Variants in PCYT1A observed in about 807,000 individuals in gnomAD.
PCYT1A encodes choline-phosphate cytidylyltransferase A.
PCYT1A carries 25 observed loss-of-function variants against 43.7 expected under a neutral mutation model. The ratio of observed to expected loss-of-function variants is 0.57; its 90% CI spans 0.42 to 0.80. The LOEUF (loss-of-function observed/expected upper bound fraction) is 0.80. Ranked by LOEUF, PCYT1A falls within the 30% of genes least tolerant of loss-of-function variation. The pLI, the probability that PCYT1A is intolerant of heterozygous loss-of-function variation, is 0.00. For missense variants in PCYT1A, 421 were observed against 474.2 expected, an observed-to-expected ratio of 0.89 and a Z score of 1.04; for synonymous variants, 172 against 170.7, an observed-to-expected ratio of 1.01 and a Z score of -0.06.
intron 3 of PCYT1A, chr3:196,250,513 GA>G (rs1724721550): frequency 5.9e-6 from 1 of 168,384 alleles, no homozygotes; most frequent in Non-Finnish European, 1.3e-5. Context: ...CTATGCTGAG[GA>G]CCAGATACAC....
chr3:196,243,669 C>G (rs924212678), intron 5 of PCYT1A, among the ~76,000 whole-genome samples: 9 of 152,356 alleles, frequency 5.9e-5, no homozygotes, highest in South Asian at 4.1e-4. Context: ...CAGTGCCTGC[C>G]ATTGCAGGCG....
In PCYT1A at chr3:196,256,665, G is replaced by A. The variant is rs186193759; in HGVS notation, c.217+1123C>T. 5.8e-4 allele frequency among the ~76,000 whole-genome samples: 88 copies of A among 152,040 alleles called. 1 individual carries two copies. In the East Asian group the frequency reaches 0.014, roughly 25 times the overall value. On this transcript the variant is annotated intron_variant, in intron 3 of 8. Coordinates refer to ENST00000431016, the MANE Select transcript of PCYT1A (RefSeq NM_001312673.2). ...CATAATTCTCGTGCCTTAGCCTCCC[G>A]AGTAGCTGGGACTACAGGTGCCCAC...
At position 196,236,751 on chromosome 3, in the gene PCYT1A, C is replaced by T. The variant is rs539852450; in HGVS notation, c.*1937G>A. On this transcript the variant is annotated 3_prime_UTR_variant, in exon 9 of 9. Coordinates refer to ENST00000431016, the MANE Select transcript of PCYT1A (RefSeq NM_001312673.2). ...GCACCATCTCTGCTCACTGCAACCT[C>T]CGCCTCCTGGGTTCAAGGGATTCTC... is the stretch of plus-strand genomic sequence containing the variant. 1 of 152,432 alleles carries T rather than the reference C, an allele frequency of 6.6e-6. No homozygotes were observed. Among genetic ancestry groups the T allele is most frequent in the East Asian group, 1.9e-4 (1 of 5,194 alleles). The allele number at this position is 152,432 out of a possible 1,614,324, so 9.4% of individuals were successfully genotyped here. A position where few individuals can be genotyped will look rare whatever the true frequency, so the allele number is the denominator to read the frequency against.
rs533707821 is a variant in PCYT1A at position 196,286,061 on chromosome 3, C to CTTT, written c.-11+1551_-11+1553dup. Among the ~76,000 whole-genome samples the CTTT allele has an allele frequency of 3.0e-3, 372 of 124,486 alleles. 9 individuals are homozygous for CTTT. The highest frequency in any genetic ancestry group is 0.011 in the African/African-American group (355 of 32,596). 81.7% of individuals were successfully genotyped at this position (124,486 alleles called of 152,430 possible). On this transcript the variant is annotated intron_variant, in intron 1 of 8. Coordinates refer to ENST00000431016, the MANE Select transcript of PCYT1A (RefSeq NM_001312673.2). ...ATAAATATCACAAATACCACTGTCC[C>CTTT]TTTTTTTTTTTTTTTTTTTGAGACA...
chr3:196,280,317 A>G (rs1725728480), intron 1 of PCYT1A, among the ~76,000 whole-genome samples: 2 of 152,306 alleles, frequency 1.3e-5, no homozygotes, highest in African/African-American at 4.8e-5. Flanking sequence ...CTATATGGAC[A>G]GTTGTCCCTC....
chr3:196,282,452 T>G lies in PCYT1A; in HGVS notation c.-11+5163A>C, dbSNP rs1003251594. ...GATAGAATTCAGGAAGTCTGTGAAT[T>G]TGGATGAAAAAGACTGTATCTTTAT... On this transcript the variant is annotated intron_variant, in intron 1 of 8. Coordinates refer to ENST00000431016, the MANE Select transcript of PCYT1A (RefSeq NM_001312673.2). The surrounding 1 kb of genome is among the most constrained non-coding windows in gnomAD (Gnocchi z 4.3). Among the ~76,000 whole-genome samples, 1 of 152,170 alleles carries G rather than the reference T, an allele frequency of 6.6e-6. No individual in the cohort carries two copies. Among genetic ancestry groups the G allele is most frequent in the Non-Finnish European group, 1.5e-5 (1 of 68,036 alleles).
rs1262917168 is a variant in PCYT1A, at chr3:196,273,713, A to G, written c.-10-3172T>C. On this transcript the variant is annotated intron_variant, in intron 1 of 8. Coordinates refer to ENST00000431016, the MANE Select transcript of PCYT1A (RefSeq NM_001312673.2). This position sits in a 1 kb window ranked among gnomAD's most constrained non-coding sequence, Gnocchi z 4.1. ...AAGTATGGCTGAGTCCAGGGTTTCT[A>G]CGGGCTTCAGCGGGCAGGAAGTGCA... Among the ~76,000 whole-genome samples, 1 of 152,156 alleles carries G rather than the reference A, an allele frequency of 6.6e-6. No homozygotes were observed. Among genetic ancestry groups the G allele is most frequent in the Non-Finnish European group, 1.5e-5 (1 of 68,012 alleles).
At chr3:196,259,289 T>G (rs1725037488) in intron 2 of PCYT1A, among the ~76,000 whole-genome samples, 1 of 152,216 alleles carries the variant, frequency 6.6e-6, no homozygotes, top group African/African-American at 2.4e-5. Context: ...ATTTTCTCCT[T>G]TGTCTTGGTT....
At chr3:196,263,908 G>A (rs887196259) in intron 2 of PCYT1A, among the ~76,000 whole-genome samples, 2 of 151,348 alleles carry the variant, frequency 1.3e-5, no homozygotes, top group Non-Finnish European at 3.0e-5. Flanking sequence ...TTGGGATTAC[G>A]GGCATGAGCC....
In PCYT1A at chr3:196,245,095, C is replaced by CATAAATAA. The variant is rs147083544; in HGVS notation, c.486+2264_486+2271dup. ...CACCCAAGAATGATCAATAAAAATACATAAATAAATAAAAGAAGTTTTATC... is the reference window on the plus strand; with the variant it reads ...CACCCAAGAATGATCAATAAAAATACATAAATAAATAAATAAATAAAAGAAGTTTTATC... On this transcript the variant is annotated intron_variant, in intron 5 of 8. Coordinates refer to ENST00000431016, the MANE Select transcript of PCYT1A (RefSeq NM_001312673.2). 2.8e-3 allele frequency among the ~76,000 whole-genome samples: 412 copies of CATAAATAA among 147,920 alleles called. 1 individual carries two copies. The highest frequency in any genetic ancestry group is 5.9e-3 in the African/African-American group (238 of 40,262).
chr3:196,272,627 T>G (rs1197482571), intron 1 of PCYT1A, among the ~76,000 whole-genome samples: 1 of 152,170 alleles, frequency 6.6e-6, no homozygotes, highest in African/African-American at 2.4e-5. Flanking sequence ...CCCTTCCCCT[T>G]CTTTTCTCAG....
Position 196,238,447 on chromosome 3 carries a change from G to GC in PCYT1A, c.*240_*241insG, listed in dbSNP as rs1490867912. 4 of 357,512 alleles carry GC rather than the reference G, an allele frequency of 1.1e-5. No homozygotes were observed. Among genetic ancestry groups the GC allele is most frequent in the South Asian group, 1.4e-4 (1 of 6,954 alleles). 22.1% of individuals were successfully genotyped at this position (357,512 alleles called of 1,614,324 possible). On this transcript the variant is annotated 3_prime_UTR_variant, in exon 9 of 9. Transcript: ENST00000431016. ...ATAAACAGTGAAACAAAGCCCTTGGGGGGGGGTAAATGGATGCAGAGCAGG... is the reference window on the plus strand; with the variant it reads ...ATAAACAGTGAAACAAAGCCCTTGGGCGGGGGGTAAATGGATGCAGAGCAGG...
intron 1 of PCYT1A, among the ~76,000 whole-genome samples, chr3:196,280,154 TC>T (rs1180952311): frequency 1.3e-5 from 2 of 152,130 alleles, no homozygotes; most frequent in African/African-American, 4.8e-5. Flanking sequence ...CTATTCAACT[TC>T]CTTATTGCAA....
chr3:196,284,666 A>G (rs1322376863), intron 1 of PCYT1A, among the ~76,000 whole-genome samples: 2 of 152,236 alleles, frequency 1.3e-5, no homozygotes, highest in Non-Finnish European at 2.9e-5. Context: ...CCCACTGCTT[A>G]TGGGAGGAGA....
Position 196,243,061 on chromosome 3 carries a change from C to T in PCYT1A, c.487-421G>A, listed in dbSNP as rs1466150302. 2.7e-5 allele frequency: 5 copies of T among 183,528 alleles called. No homozygotes were observed. The South Asian group carries it at 4.5e-4, about 17-fold the overall frequency. The allele number at this position is 183,528 out of a possible 1,614,324, so 11.4% of individuals were successfully genotyped here. A position where few individuals can be genotyped will look rare whatever the true frequency, so the allele number is the denominator to read the frequency against. On this transcript the variant is annotated intron_variant, in intron 5 of 8. Coordinates refer to ENST00000431016, the MANE Select transcript of PCYT1A (RefSeq NM_001312673.2). Reference sequence around the variant, plus strand: ...GTATGAGAAAGGCCAGGCACGGTGGCTCATGCCTGTAATCCCAGCACTTTG... The same window carrying T: ...GTATGAGAAAGGCCAGGCACGGTGGTTCATGCCTGTAATCCCAGCACTTTG...
At position 196,247,991 on chromosome 3, in the gene PCYT1A, C is replaced by A; in HGVS notation, c.334+216G>T. 1 of 563,010 alleles carries A rather than the reference C, an allele frequency of 1.8e-6. No homozygotes were observed. The highest frequency in any genetic ancestry group is 1.9e-5 in the African/African-American group (1 of 53,498). 34.9% of individuals were successfully genotyped at this position (563,010 alleles called of 1,614,324 possible). On this transcript the variant is annotated intron_variant, in intron 4 of 8. Coordinates refer to ENST00000431016, the MANE Select transcript of PCYT1A (RefSeq NM_001312673.2). The surrounding 1 kb of genome is among the most constrained non-coding windows in gnomAD (Gnocchi z 4.8). ...GTGACCACAGAAACTCAGCTACAAG[C>A]AGTGAATAAATGCCAGATGGCACAG... is the stretch of plus-strand genomic sequence containing the variant.
At chr3:196,239,419 A>G (rs538265941) in intron 8 of PCYT1A, 128 bp downstream of exon 8, 76 of 578,418 alleles carry the variant, frequency 1.3e-4, no homozygotes, top group African/African-American at 1.0e-3. Flanking sequence ...CAGTTGAAAG[A>G]TAGTTCTGCC....
At chr3:196,264,646 T>C (rs1353867735) in intron 2 of PCYT1A, among the ~76,000 whole-genome samples, 3 of 152,092 alleles carry the variant, frequency 2.0e-5, no homozygotes, top group African/African-American at 7.2e-5. Flanking sequence ...GGGAGGCCTA[T>C]ACTTAGCCAT....
intron 3 of PCYT1A, among the ~76,000 whole-genome samples, chr3:196,249,386 C>G (rs544022498): frequency 1.3e-5 from 2 of 150,990 alleles, no homozygotes; most frequent in Non-Finnish European, 2.9e-5. Context: ...AGCAATCCCA[C>G]CTTGGCCTCC....
Sources: allele counts gnomAD v4.1 joint callset (sites outside exome capture counted in the v4.1 genomes callset), GRCh38; gene constraint gnomAD v4.1.1; non-coding constraint Gnocchi (gnomAD v3.1); transcripts MANE v1.5; gene names NCBI Gene and HGNC (gene_info 2026-07-23, HGNC 2026-07-21).